Variants in MED25 observed in about 807,000 individuals in gnomAD.
The protein encoded by MED25 is mediator of RNA polymerase II transcription subunit 25.
In MED25, 62 loss-of-function variants were observed where a neutral mutation model predicts 89.4. The ratio of observed to expected loss-of-function variants is 0.69; its 90% CI spans 0.57 to 0.86. The LOEUF (loss-of-function observed/expected upper bound fraction) is 0.86. Among genes scored for constraint, MED25 ranks in the 40% least tolerant of loss-of-function variants. The pLI is 0.00. For synonymous variants in MED25, 449 were observed against 427.9 expected, an observed-to-expected ratio of 1.05 and a Z score of -0.61; for missense variants, 905 against 1,005.2, an observed-to-expected ratio of 0.90 and a Z score of 1.35.
chr19:49,830,358 C>A lies in MED25; in HGVS notation c.819+140C>A. The A allele has an allele frequency of 8.9e-7, 1 of 1,127,070 alleles. No homozygotes were observed. The allele number at this position is 1,127,070 out of a possible 1,614,324, so 69.8% of individuals were successfully genotyped here. A position where few individuals can be genotyped will look rare whatever the true frequency, so the allele number is the denominator to read the frequency against. ...ATTGGGAAGGTGGGACTCTTGGGGC[C>A]ATGGAAGCTCATGTGCTGTGTGATG... is the stretch of plus-strand genomic sequence containing the variant. On this transcript the variant is annotated intron_variant, in intron 7 of 17. Transcript: ENST00000312865. The surrounding 1 kb of genome is among the most constrained non-coding windows in gnomAD (Gnocchi z 4.6).
At chr19:49,818,743 C>G in intron 2 of MED25, 127 bp downstream of exon 2, 1 of 933,038 alleles carries the variant, frequency 1.1e-6, no homozygotes, top group Non-Finnish European at 1.7e-6. Flanking sequence ...GGGGTCTGGA[C>G]TCCTTGTTCT....
intron 13 of MED25, chr19:49,832,894 C>T (rs1274224055): frequency 2.0e-5 from 5 of 250,198 alleles, no homozygotes; most frequent in Non-Finnish European, 3.2e-5. Context: ...GGTGGCATCG[C>T]TCCAGGGTCT....
chr19:49,831,225 G>C lies in MED25; in HGVS notation c.1102-108G>C. The C allele has an allele frequency of 3.3e-6, 4 of 1,229,418 alleles. No homozygotes were observed. The highest frequency in any genetic ancestry group is 4.5e-6 in the Non-Finnish European group (4 of 881,604). 76.2% of individuals were successfully genotyped at this position (1,229,418 alleles called of 1,614,324 possible). ...GCCAAGTGCTGTTCTGGGGATGGAGGGGCAGAAGAAGGGATCTTTCCTCCT... is the reference window on the plus strand; with the variant it reads ...GCCAAGTGCTGTTCTGGGGATGGAGCGGCAGAAGAAGGGATCTTTCCTCCT... On this transcript the variant is annotated intron_variant, in intron 9 of 17. Transcript: ENST00000312865. This position sits in a 1 kb window ranked among gnomAD's most constrained non-coding sequence, Gnocchi z 5.0.
chr19:49,831,434 C>T lies in MED25; in HGVS notation c.1203C>T (p.Ala401=), dbSNP rs1322031888. The stretch of plus-strand genomic sequence containing the variant: ...AGTCAGTCTCCAATAAGCTTCTGGC[C>T]TGGAGCGGGGTCCTGGAGTGGCAAG... The part of the protein sequence containing the change: ...GQQSVSNKLL[A]WSGVLEWQEK... The change falls in exon 10 of 18, where the codon GCC becomes GCT. Residue 401 remains alanine, a synonymous_variant. Coordinates refer to ENST00000312865, the MANE Select transcript of MED25 (RefSeq NM_030973.4). The surrounding 1 kb of genome is among the most constrained non-coding windows in gnomAD (Gnocchi z 5.0). The T allele has an allele frequency of 5.0e-6, 8 of 1,612,466 alleles. No homozygotes were observed. The highest frequency in any genetic ancestry group is 6.8e-6 in the Non-Finnish European group (8 of 1,179,424).
At position 49,819,215 on chromosome 19, in the gene MED25, A is replaced by G; in HGVS notation, c.224A>G (p.Asp75Gly). The change falls in exon 3 of 18, where the codon GAC becomes GGC. Residue 75 changes from aspartate to glycine, a missense_variant. Coordinates refer to ENST00000312865, the MANE Select transcript of MED25 (RefSeq NM_030973.4). ...AGCCTCGTGGTGTTCAACACAGTGG[A>G]CTGCGCTCCCGAGTCCTACGTACAA... is the stretch of plus-strand genomic sequence containing the variant. ...QYSLVVFNTV[D>G]CAPESYVQCH... 1 of 1,614,192 alleles carries G rather than the reference A, an allele frequency of 6.2e-7. No individual in the cohort carries two copies. Among genetic ancestry groups the G allele is most frequent in the South Asian group, 1.1e-5 (1 of 91,088 alleles).
chr19:49,831,317 T>C lies in MED25; in HGVS notation c.1102-16T>C, dbSNP rs1268073414. The stretch of plus-strand genomic sequence containing the variant: ...CCTTCCCCATTCTCATGGCCCTCCT[T>C]CCTCCCCTCTGGCAGGCAGGCACTG... On this transcript the variant is annotated splice_polypyrimidine_tract_variant and intron_variant, in intron 9 of 17. Coordinates refer to ENST00000312865, the MANE Select transcript of MED25 (RefSeq NM_030973.4). The surrounding 1 kb of genome is among the most constrained non-coding windows in gnomAD (Gnocchi z 5.0). 6.2e-7 allele frequency: 1 copy of C among 1,608,488 alleles called. No homozygotes were observed. Among genetic ancestry groups the C allele is most frequent in the African/African-American group, 1.3e-5 (1 of 74,830 alleles).
Position 49,830,913 on chromosome 19 carries a change from C to T in MED25, c.1101+26C>T, listed in dbSNP as rs1253319827. 1.3e-6 allele frequency: 2 copies of T among 1,598,712 alleles called. No individual in the cohort carries two copies. Among genetic ancestry groups the T allele is most frequent in the East Asian group, 2.2e-5 (1 of 44,834 alleles). ...GTAGGTGCCTGCACGCCTCCTGCCC[C>T]TGCTCCTTCCTCCTGCTGTCCACAG... On this transcript the variant is annotated intron_variant, in intron 9 of 17. Coordinates refer to ENST00000312865, the MANE Select transcript of MED25 (RefSeq NM_030973.4). The surrounding 1 kb of genome is among the most constrained non-coding windows in gnomAD (Gnocchi z 4.6).
In MED25 at chr19:49,818,853, A is replaced by G. The variant is rs967236105; in HGVS notation, c.180+237A>G. 5.2e-6 allele frequency: 3 copies of G among 580,088 alleles called. No individual in the cohort carries two copies. The Admixed American group carries it at 9.6e-5, about 18-fold the overall frequency. The allele number at this position is 580,088 out of a possible 1,614,324, so 35.9% of individuals were successfully genotyped here. A position where few individuals can be genotyped will look rare whatever the true frequency, so the allele number is the denominator to read the frequency against. ...AGGGAGGAGGGAGCTAGGGGCCCAG[A>G]TCCCTGGGTCTGAGGGAGGAAGGGC... On this transcript the variant is annotated intron_variant, in intron 2 of 17. Transcript: ENST00000312865.
rs745910823 is a variant in MED25 at position 49,832,142 on chromosome 19, C to T, written c.1359C>T (p.Ile453=). Residue 453 remains isoleucine, a synonymous_variant, in exon 12 of 18, where the codon ATC becomes ATT. Coordinates refer to ENST00000312865, the MANE Select transcript of MED25 (RefSeq NM_030973.4). ...CCCAGAAGCTGATCATGCAGCTCATCCCCCAGCAGCTGCTGGTGAGTGGCG... is the reference window on the plus strand; with the variant it reads ...CCCAGAAGCTGATCATGCAGCTCATTCCCCAGCAGCTGCTGGTGAGTGGCG... The part of the protein sequence containing the change: ...QWPQKLIMQL[I]PQQLLTTLGP... 3.7e-6 allele frequency: 6 copies of T among 1,612,814 alleles called. No individual in the cohort carries two copies. The East Asian group carries it at 1.1e-4, about 30-fold the overall frequency.
intron 3 of MED25, among the ~76,000 whole-genome samples, chr19:49,825,812 CAA>C (rs952114593): frequency 6.6e-6 from 1 of 151,606 alleles, no homozygotes; most frequent in African/African-American, 2.4e-5. Flanking sequence ...GCCTGGGCAA[CAA>C]GAGCGAAACT....
chr19:49,826,379 T>G (rs938306873), intron 3 of MED25, among the ~76,000 whole-genome samples: 2 of 152,078 alleles, frequency 1.3e-5, no homozygotes, highest in African/African-American at 4.8e-5. Context: ...AGAGGAGGGC[T>G]GGGAAGTGTG....
rs768378185 is a variant in MED25, at chr19:49,819,152, T to C, written c.181-20T>C. On this transcript the variant is annotated intron_variant, in intron 2 of 17. Coordinates refer to ENST00000312865, the MANE Select transcript of MED25 (RefSeq NM_030973.4). ...GGAATTGAGGTCCCAGATTAAAAGTTTTCTGTCCTCCCCTCCCAGTATGGG... is the reference window on the plus strand; with the variant it reads ...GGAATTGAGGTCCCAGATTAAAAGTCTTCTGTCCTCCCCTCCCAGTATGGG... The C allele has an allele frequency of 6.2e-6, 10 of 1,614,026 alleles. No individual in the cohort carries two copies. Among genetic ancestry groups the C allele is most frequent in the Non-Finnish European group, 8.5e-6 (10 of 1,179,978 alleles).
At position 49,831,993 on chromosome 19, in the gene MED25, C is replaced by T. The variant is rs2074060785; in HGVS notation, c.1288C>T (p.Gln430Ter). 2 of 1,614,076 alleles carry T rather than the reference C, an allele frequency of 1.2e-6. No individual in the cohort carries two copies. Among genetic ancestry groups the T allele is most frequent in the Non-Finnish European group, 1.7e-6 (2 of 1,180,004 alleles). Reference sequence around the variant, plus strand: ...CAAGCTGACGCGGTCACTGCCCTGCCAGGTCTACGTGAATCATGGCGAGAA... The same window carrying T: ...CAAGCTGACGCGGTCACTGCCCTGCTAGGTCTACGTGAATCATGGCGAGAA... ...NTKLTRSLPC[Q>*]VYVNHGENLK... Residue 430 changes from glutamine to a stop codon, truncating the protein, a stop_gained, in exon 11 of 18, where the codon CAG becomes TAG. Coordinates refer to ENST00000312865, the MANE Select transcript of MED25 (RefSeq NM_030973.4). LOFTEE classifies it high-confidence loss of function. This position sits in a 1 kb window ranked among gnomAD's most constrained non-coding sequence, Gnocchi z 5.0.
intron 3 of MED25, among the ~76,000 whole-genome samples, chr19:49,822,274 A>C (rs2073988258): frequency 6.8e-6 from 1 of 146,872 alleles, no homozygotes; most frequent in South Asian, 2.2e-4. Context: ...AAAAAAAAAA[A>C]AAAAAAAAAA....
chr19:49,831,638 C>A lies in MED25; in HGVS notation c.1230+177C>A, dbSNP rs4801809. On this transcript the variant is annotated intron_variant, in intron 10 of 17. Coordinates refer to ENST00000312865, the MANE Select transcript of MED25 (RefSeq NM_030973.4). The surrounding 1 kb of genome is among the most constrained non-coding windows in gnomAD (Gnocchi z 5.0). ...GAGCCCCATGGAGTGGTGGGACTTG[C>A]GGTACAGAGGAGAGTCCCCATGCAA... 2.2e-4 allele frequency among the ~76,000 whole-genome samples: 34 copies of A among 152,162 alleles called. No homozygotes were observed. Among genetic ancestry groups the A allele is most frequent in the Admixed American group, 9.8e-4 (15 of 15,290 alleles).
chr19:49,820,586 G>GT, intron 3 of MED25, among the ~76,000 whole-genome samples: 1 of 152,314 alleles, frequency 6.6e-6, no homozygotes, highest in South Asian at 2.1e-4. Flanking sequence ...AGGAAAATTT[G>GT]TTTTTTCTTC....
chr19:49,822,893 C>T (rs972462604), intron 3 of MED25, among the ~76,000 whole-genome samples: 3 of 152,098 alleles, frequency 2.0e-5, no homozygotes, highest in Admixed American at 6.5e-5. Context: ...GTGATCCACC[C>T]GCCTCGGCCT....
Position 49,831,816 on chromosome 19 carries a change from C to A in MED25, c.1231-120C>A. 2.2e-6 allele frequency: 2 copies of A among 919,038 alleles called. No individual in the cohort carries two copies. Among genetic ancestry groups the A allele is most frequent in the Non-Finnish European group, 3.5e-6 (2 of 563,640 alleles). 56.9% of individuals were successfully genotyped at this position (919,038 alleles called of 1,614,324 possible). On this transcript the variant is annotated intron_variant, in intron 10 of 17. Coordinates refer to ENST00000312865, the MANE Select transcript of MED25 (RefSeq NM_030973.4). The surrounding 1 kb of genome is among the most constrained non-coding windows in gnomAD (Gnocchi z 5.0). ...GCTGGTCTGGAGGAGGGGCCTGGGG[C>A]TCATGGGACTTAAACTGGGGAACAT... is the stretch of plus-strand genomic sequence containing the variant.
rs1600325573 is a variant in MED25 at position 49,830,708 on chromosome 19, C to T, written c.922C>T (p.Pro308Ser). ...GLGPRFSPIT[P>S]LQQAAPGVGP... Reference sequence around the variant, plus strand: ...CTCTCCCACAGTCTCGCCCATCACCCCTCTCCAACAAGCTGCTCCCGGAGT... The same window carrying T: ...CTCTCCCACAGTCTCGCCCATCACCTCTCTCCAACAAGCTGCTCCCGGAGT... Residue 308 changes from proline to serine, a missense_variant, in exon 9 of 18, where the codon CCT becomes TCT. Pro to Ser is a moderately conservative substitution (Grantham distance 74). Around this residue, in one of 3 missense-constraint regions of MED25, gnomAD observed 501 missense variants for 526.9 expected, o/e 0.95. Coordinates refer to ENST00000312865, the MANE Select transcript of MED25 (RefSeq NM_030973.4). The surrounding 1 kb of genome is among the most constrained non-coding windows in gnomAD (Gnocchi z 4.6). 1.2e-6 allele frequency: 2 copies of T among 1,614,048 alleles called. No individual in the cohort carries two copies. The highest frequency in any genetic ancestry group is 1.3e-5 in the African/African-American group (1 of 75,018).
Sources: allele counts gnomAD v4.1 joint callset (sites outside exome capture counted in the v4.1 genomes callset), GRCh38; gene constraint gnomAD v4.1.1; regional missense constraint gnomAD v4.1.1; non-coding constraint Gnocchi (gnomAD v3.1); transcripts MANE v1.5; gene names NCBI Gene and HGNC (gene_info 2026-07-23, HGNC 2026-07-21).